MRPL37: variants seen among roughly 807,000 people sequenced by gnomAD.
MRPL37 encodes large ribosomal subunit protein mL37.
Under a neutral mutation model 44.1 loss-of-function variants are expected in MRPL37, and 34 were observed. The ratio of observed to expected loss-of-function variants is 0.77; its 90% CI spans 0.59 to 1.03. The LOEUF is 1.03. MRPL37 is among the 50% of genes least tolerant of loss of function. The probability of loss-of-function intolerance (pLI) is 0.00; values close to 1 mark genes in which losing one functional copy is unlikely to be tolerated. For synonymous variants in MRPL37, 212 were observed against 219.5 expected (o/e 0.97, Z 0.30); for missense variants, 532 against 543.7 (o/e 0.98, Z 0.21).
At chr1:54,212,479 C>T in intron 4 of MRPL37, 22 bp from the exon 5 acceptor site, 1 of 1,611,736 alleles carries the variant, frequency 6.2e-7, no homozygotes, top group Non-Finnish European at 8.5e-7. Context: ...TCCACCCCTC[C>T]ACATAATTGT....
chr1:54,205,967 C>T (rs1644118617), intron 3 of MRPL37, among the ~76,000 whole-genome samples: 1 of 152,040 alleles, frequency 6.6e-6, no homozygotes, highest in South Asian at 2.1e-4. Context: ...TGCTTTACTG[C>T]CCCCCACCCC....
downstream of MRPL37, among the ~76,000 whole-genome samples, chr1:54,224,076 A>G (rs1570160837): frequency 6.6e-6 from 1 of 152,196 alleles, no homozygotes; most frequent in Non-Finnish European, 1.5e-5. Context: ...CCCTGATCCC[A>G]TGGCTCTCGT....
chr1:54,208,548 C>CAAAAAAAAA (rs57185627), intron 3 of MRPL37, among the ~76,000 whole-genome samples: 2 of 70,952 alleles, frequency 2.8e-5, no homozygotes, highest in Non-Finnish European at 4.8e-5. Flanking sequence ...GACTCCGTCT[C>CAAAAAAAAA]AAAAAAAAAA....
At chr1:54,220,795 G>A (rs550882383), downstream of MRPL37, 6 of 471,344 alleles carry the variant, frequency 1.3e-5, no homozygotes, top group Middle Eastern at 3.3e-4. Flanking sequence ...GTGCTGCGCC[G>A]GGTCATGCTG....
chr1:54,216,758 C>T (rs745703052), intron 6 of MRPL37, among the ~76,000 whole-genome samples: 2 of 152,190 alleles, frequency 1.3e-5, no homozygotes, highest in Non-Finnish European at 2.9e-5. Flanking sequence ...CCACCACCGT[C>T]CCCATCCCAA....
chr1:54,225,428 G>C, downstream of MRPL37: 1 of 1,233,232 alleles, frequency 8.1e-7, no homozygotes, highest in Non-Finnish European at 1.0e-6. Context: ...ATGTCAGGAA[G>C]GGCTGCGGAA....
intron 6 of MRPL37, among the ~76,000 whole-genome samples, chr1:54,216,816 C>G (rs747753): frequency 0.14 from 20,864 of 152,200 alleles, 2,116 homozygotes; most frequent in East Asian, 0.48. Context: ...CCGTATTCCC[C>G]CATCAGAGCA....
chr1:54,220,095 CAGA>C (rs1302388282), downstream of MRPL37, among the ~76,000 whole-genome samples: 1 of 151,638 alleles, frequency 6.6e-6, no homozygotes, highest in Non-Finnish European at 1.5e-5. Context: ...GTTGGGAGTA[CAGA>C]GGAGGAGCTG....
chr1:54,212,368 T>C, intron 4 of MRPL37, 133 bp from the exon 5 acceptor site: 2 of 1,103,730 alleles, frequency 1.8e-6, no homozygotes, highest in South Asian at 1.6e-5. Flanking sequence ...CCCCGAGCTA[T>C]AGTGATAGTA....
chr1:54,215,634 T>C (rs558999216), intron 5 of MRPL37, among the ~76,000 whole-genome samples: 162 of 152,294 alleles, frequency 1.1e-3, no homozygotes, highest in African/African-American at 3.4e-3. Context: ...CTGTTTGGGT[T>C]CTACACCACC....
downstream of MRPL37, chr1:54,218,447 T>TGACCTGCCCCAGCTGAAGCCC (rs1283737793): frequency 3.4e-5 from 46 of 1,360,658 alleles, no homozygotes; most frequent in African/African-American, 6.6e-4. Context: ...CCCTGGAGCC[T>TGACCTGCCCCAGCTGAAGCCC]GACCTGCCCC....
intron 1 of MRPL37, among the ~76,000 whole-genome samples, chr1:54,204,537 G>A (rs1327424556): frequency 1.3e-5 from 2 of 152,176 alleles, no homozygotes; most frequent in Non-Finnish European, 2.9e-5. Flanking sequence ...CCTTTCCCTT[G>A]AGAAGGCAGC....
chr1:54,200,347 T>C lies in MRPL37; in HGVS notation c.104T>C (p.Val35Ala). Residue 35 changes from valine (V) to alanine (A), a missense_variant, in exon 1 of 7, where the codon GTG (valine) becomes GCG (alanine). Transcript: ENST00000360840. Reference sequence around the variant, plus strand: ...AGACGCGGGGCGTATGAGTGGGGCGTGCGCTCCACGCGGAAGTCGGAGCCT... The same window carrying C: ...AGACGCGGGGCGTATGAGTGGGGCGCGCGCTCCACGCGGAAGTCGGAGCCT... ...APRRGAYEWG[V>A]RSTRKSEPPP... is the part of the protein sequence containing the mutation. The C allele has an allele frequency of 6.2e-7, 1 of 1,614,070 alleles. No individual in the cohort carries two copies. The highest frequency in any genetic ancestry group is 8.5e-7 in the Non-Finnish European group (1 of 1,180,002).
Position 54,200,495 on chromosome 1 carries a change from C to T in MRPL37, c.252C>T (p.Asp84=), listed in dbSNP as rs140081551. The T allele has an allele frequency of 9.3e-6, 15 of 1,614,100 alleles. No homozygotes were observed. The highest frequency in any genetic ancestry group is 1.2e-5 in the Non-Finnish European group (14 of 1,180,052). The change falls in exon 1 of 7, where the codon GAC becomes GAT. Residue 84 remains aspartate, a synonymous_variant. Coordinates refer to ENST00000360840, the MANE Select transcript of MRPL37 (RefSeq NM_016491.4). The part of the protein sequence containing the change: ...IFPPWDRGYK[D]PRFYRSPPLH... ...CGCCCTGGGACCGCGGCTACAAGGA[C>T]CCAAGGTTCTACCGCTCGCCCCCTC...
intron 5 of MRPL37, 72 bp from the exon 6 acceptor site, chr1:54,216,069 G>A: frequency 6.6e-7 from 1 of 1,516,284 alleles, no homozygotes. Context: ...AGAACTAGAA[G>A]CTGCCTGGGC....
At chr1:54,204,190 G>A (rs960507175) in intron 1 of MRPL37, among the ~76,000 whole-genome samples, 5 of 152,066 alleles carry the variant, frequency 3.3e-5, no homozygotes, top group Non-Finnish European at 4.4e-5. Context: ...CGAGACCAGC[G>A]TGGACAACAT....
intron 4 of MRPL37, among the ~76,000 whole-genome samples, chr1:54,210,952 C>T (rs921359270): frequency 7.9e-5 from 12 of 152,182 alleles, no homozygotes; most frequent in Non-Finnish European, 1.6e-4. Flanking sequence ...AAAGGGCCTT[C>T]ACATCTGGTC....
chr1:54,207,258 A>G (rs1296404759), intron 3 of MRPL37: 2 of 152,250 alleles, frequency 1.3e-5, no homozygotes, highest in Non-Finnish European at 2.9e-5. Context: ...GGCTGGGACC[A>G]TATCTTACTC....
chr1:54,211,472 A>ACATTATTTT lies in MRPL37; in HGVS notation c.833-1027_833-1019dup, dbSNP rs142397531. ...GCCTCCTCTAGGCTTTTCAGAGCCT[A>ACATTATTTT]CATTATTTTCCTAGCCTCTTTTTTT... On this transcript the variant is annotated intron_variant, in intron 4 of 6. Transcript: ENST00000360840. Among the ~76,000 whole-genome samples the ACATTATTTT allele has an allele frequency of 2.2e-3, 309 of 138,496 alleles. 5 individuals are homozygous for ACATTATTTT. The East Asian group carries it at 0.055, about 25-fold the overall frequency. 90.9% of individuals were successfully genotyped at this position (138,496 alleles called of 152,430 possible). A position where few individuals can be genotyped will look rare whatever the true frequency, so the allele number is the denominator to read the frequency against.
Sources: gnomAD v4.1 joint callset for allele counts (sites outside exome capture counted in the v4.1 genomes callset) on GRCh38, gnomAD v4.1.1 for gene constraint, MANE v1.5 for transcripts, NCBI Gene and HGNC (gene_info 2026-07-23, HGNC 2026-07-21) for gene names.